The following DIP2C variants were observed in gnomAD, a reference collection of about 807,000 sequenced individuals.
The protein encoded by DIP2C is disco-interacting protein 2 homolog C.
In DIP2C, 33 loss-of-function variants were observed where a neutral mutation model predicts 192.4. That is an observed-to-expected ratio of 0.17 (90% CI 0.13 to 0.23). The LOEUF (loss-of-function observed/expected upper bound fraction) is 0.23. Ranked by LOEUF, DIP2C falls within the 10% of genes least tolerant of loss-of-function variation. The probability of loss-of-function intolerance (pLI) is 1.00; values close to 1 mark genes in which losing one functional copy is unlikely to be tolerated. For missense variants in DIP2C, 1,537 were observed against 2,110.1 expected, an observed-to-expected ratio of 0.73 and a Z score of 5.32; for synonymous variants, 979 against 864.1, an observed-to-expected ratio of 1.13 and a Z score of -2.33.
chr10:592,878 A>G (rs1306098042), intron 1 of DIP2C, among the ~76,000 whole-genome samples: 4 of 151,552 alleles, frequency 2.6e-5, no homozygotes, highest in Non-Finnish European at 5.9e-5. Flanking sequence ...TGACACTGCA[A>G]GGCTCAAACC....
At chr10:359,735 C>T (rs911808163) in intron 22 of DIP2C, among the ~76,000 whole-genome samples, 3 of 152,148 alleles carry the variant, frequency 2.0e-5, no homozygotes, top group African/African-American at 4.8e-5. Context: ...CTCATTCACC[C>T]GCTGCGCATC....
chr10:503,348 A>G (rs1383102819), intron 1 of DIP2C, among the ~76,000 whole-genome samples: 3 of 152,264 alleles, frequency 2.0e-5, no homozygotes, highest in Non-Finnish European at 4.4e-5. Flanking sequence ...AAAAACTGGC[A>G]AAGATCGAAC....
chr10:332,532 C>A (rs189853218), intron 29 of DIP2C, among the ~76,000 whole-genome samples: 380 of 152,198 alleles, frequency 2.5e-3, no homozygotes, highest in Middle Eastern at 0.024. Context: ...CTGTATTAGC[C>A]AAAATTGATT....
At chr10:661,934 G>A in intron 1 of DIP2C, 1 of 672,670 alleles carries the variant, frequency 1.5e-6, no homozygotes, top group South Asian at 1.6e-5. Flanking sequence ...CTGCCTTCCT[G>A]CACTCCCTCT....
intron 1 of DIP2C, among the ~76,000 whole-genome samples, chr10:524,241 C>T (rs1184454966): frequency 2.0e-5 from 3 of 152,224 alleles, no homozygotes; most frequent in African/African-American, 4.8e-5. Context: ...CTTGAAGTGG[C>T]TGCAGAAAAA....
chr10:390,772 T>C lies in DIP2C; in HGVS notation c.1352A>G (p.Lys451Arg), dbSNP rs775860656. Residue 451 changes from lysine (K) to arginine (R), a missense_variant, in exon 11 of 37, where the codon AAA becomes AGA. By Grantham distance (26) the Lys-to-Arg change is conservative. Around this residue, in one of 4 missense-constraint regions of DIP2C, gnomAD observed 677 missense variants for 989.9 expected, o/e 0.68. Transcript: ENST00000280886. ...TSDACHKGLP[K>R]SPTGEIPQFK... ...CTGTGGGATCTCTCCCGTTGGGCTTTTTGGAAGTCCTTTATGGCAGGCGTC... is the reference window on the plus strand; with the variant it reads ...CTGTGGGATCTCTCCCGTTGGGCTTCTTGGAAGTCCTTTATGGCAGGCGTC... 6.2e-7 allele frequency: 1 copy of C among 1,614,146 alleles called. No individual in the cohort carries two copies. The highest frequency in any genetic ancestry group is 1.1e-5 in the South Asian group (1 of 91,068).
At chr10:682,772 G>T (rs577554804) in intron 1 of DIP2C, among the ~76,000 whole-genome samples, 23 of 149,992 alleles carry the variant, frequency 1.5e-4, no homozygotes, top group African/African-American at 5.4e-4. Flanking sequence ...CGTGCCTATA[G>T]ATAAATATGT....
At chr10:525,737 C>G (rs996853429) in intron 1 of DIP2C, among the ~76,000 whole-genome samples, 1 of 152,220 alleles carries the variant, frequency 6.6e-6, no homozygotes, top group Non-Finnish European at 1.5e-5. Context: ...CATCAGCACA[C>G]CCACACCAGC....
At chr10:618,793 C>A (rs1853644728) in intron 1 of DIP2C, among the ~76,000 whole-genome samples, 1 of 152,242 alleles carries the variant, frequency 6.6e-6, no homozygotes, top group Non-Finnish European at 1.5e-5. Context: ...CAGACCAGAG[C>A]CCTCCCGCAC....
Position 651,282 on chromosome 10 carries a change from G to A in DIP2C, c.85+38212C>T, listed in dbSNP as rs1457370433. The A allele has an allele frequency of 1.8e-5, 13 of 712,240 alleles. 1 individual carries two copies. Among genetic ancestry groups the A allele is most frequent in the South Asian group, 1.0e-4 (7 of 67,492 alleles). The allele number at this position is 712,240 out of a possible 1,614,324, so 44.1% of individuals were successfully genotyped here. ...TCACCAGTCGGCCTCCCCCACCAAC[G>A]TGGACTCCTTACAAGCAGAGCCACC... On this transcript the variant is annotated intron_variant, in intron 1 of 36. Transcript: ENST00000280886. The surrounding 1 kb of genome is among the most constrained non-coding windows in gnomAD (Gnocchi z 4.1).
At position 417,750 on chromosome 10, in the gene DIP2C, ATAGG is replaced by A. The variant is rs1564685173; in HGVS notation, c.739+1311_739+1314del. Among the ~76,000 whole-genome samples the A allele has an allele frequency of 9.4e-3, 1,227 of 130,596 alleles. 185 individuals are homozygous for A. The highest frequency in any genetic ancestry group is 0.024 in the Middle Eastern group (6 of 252). The allele number at this position is 130,596 out of a possible 152,430, so 85.7% of individuals were successfully genotyped here. ...TCTGCCTGCGCCTGTCAGGGCTCGGATAGGCATCCCTGTCCACCTGCACCTGTCA... is the reference window on the plus strand; with the variant it reads ...TCTGCCTGCGCCTGTCAGGGCTCGGACATCCCTGTCCACCTGCACCTGTCA... On this transcript the variant is annotated intron_variant, in intron 6 of 36. Transcript: ENST00000280886.
At chr10:661,127 G>T (rs1440783407) in intron 1 of DIP2C, among the ~76,000 whole-genome samples, 1 of 152,202 alleles carries the variant, frequency 6.6e-6, no homozygotes, top group African/African-American at 2.4e-5. Flanking sequence ...GCACAGTGTT[G>T]GGAAAAGCAC....
chr10:539,345 T>C (rs976850823), intron 1 of DIP2C, among the ~76,000 whole-genome samples: 2 of 152,240 alleles, frequency 1.3e-5, no homozygotes, highest in Admixed American at 6.5e-5. Flanking sequence ...GCATTCAGAC[T>C]TTATTATTCA....
At chr10:558,027 T>A (rs1849002749) in intron 1 of DIP2C, among the ~76,000 whole-genome samples, 1 of 151,986 alleles carries the variant, frequency 6.6e-6, no homozygotes. Context: ...ATGACAGAAT[T>A]ATAATAAAAT....
At chr10:433,402 G>A (rs955652959) in intron 4 of DIP2C, among the ~76,000 whole-genome samples, 2 of 152,076 alleles carry the variant, frequency 1.3e-5, no homozygotes, top group Non-Finnish European at 2.9e-5. Flanking sequence ...GTGTTGGCTG[G>A]GCAGTGGCTC....
chr10:328,083 G>A (rs924136910), intron 30 of DIP2C, among the ~76,000 whole-genome samples: 3 of 152,126 alleles, frequency 2.0e-5, no homozygotes, highest in Admixed American at 1.3e-4. Flanking sequence ...CAGGCCCTGC[G>A]AACCCTTTCA....
intron 22 of DIP2C, among the ~76,000 whole-genome samples, chr10:359,952 G>A (rs1454845661): frequency 6.6e-6 from 1 of 152,298 alleles, no homozygotes; most frequent in South Asian, 2.1e-4. Flanking sequence ...CTTGGTGACC[G>A]ATGCTGGGCA....
chr10:306,184 A>AATCT (rs771473202), intron 32 of DIP2C, among the ~76,000 whole-genome samples: 9 of 151,766 alleles, frequency 5.9e-5, no homozygotes, highest in Non-Finnish European at 1.2e-4. Context: ...GTGGGACTGT[A>AATCT]ATCTGTTCCA....
intron 3 of DIP2C, among the ~76,000 whole-genome samples, chr10:457,828 T>C (rs1019707137): frequency 1.3e-5 from 2 of 152,194 alleles, no homozygotes; most frequent in Non-Finnish European, 2.9e-5. Flanking sequence ...GTGCTGGCAT[T>C]ACAGGCGTGA....
Sources: allele counts gnomAD v4.1 joint callset (sites outside exome capture counted in the v4.1 genomes callset), GRCh38; gene constraint gnomAD v4.1.1; regional missense constraint gnomAD v4.1.1; non-coding constraint Gnocchi (gnomAD v3.1); transcripts MANE v1.5; gene names NCBI Gene and HGNC (gene_info 2026-07-23, HGNC 2026-07-21).